Variants in HECW2 observed in about 807,000 individuals in gnomAD.
The protein encoded by HECW2 is E3 ubiquitin-protein ligase HECW2.
In HECW2, 61 loss-of-function variants were observed where a neutral mutation model predicts 175.2. That is an observed-to-expected ratio of 0.35 (90% CI 0.28 to 0.43). HECW2 has a LOEUF of 0.43. HECW2 is among the 20% of genes least tolerant of loss of function. HECW2 has a pLI of 1.00. For synonymous variants in HECW2, 671 were observed against 731.0 expected, an observed-to-expected ratio of 0.92 and a Z score of 1.32; for missense variants, 1,524 against 2,000.5, an observed-to-expected ratio of 0.76 and a Z score of 4.54.
chr2:196,529,718 T>C (rs1026664573), intron 1 of HECW2, among the ~76,000 whole-genome samples: 1 of 152,168 alleles, frequency 6.6e-6, no homozygotes, highest in South Asian at 2.1e-4. Context: ...AAGTCTACAC[T>C]AGGAGATAAC....
intron 26 of HECW2, chr2:196,218,181 C>T (rs531288915): frequency 8.5e-5 from 13 of 152,326 alleles, no homozygotes; most frequent in Admixed American, 8.5e-4. Flanking sequence ...GTTTTTTGAC[C>T]TTATGAATTA....
chr2:196,540,622 T>C (rs1170005775), intron 1 of HECW2, among the ~76,000 whole-genome samples: 1 of 152,124 alleles, frequency 6.6e-6, no homozygotes, highest in Non-Finnish European at 1.5e-5. Context: ...TTTTTAATGT[T>C]TTTGTAAAGA....
intron 1 of HECW2, among the ~76,000 whole-genome samples, chr2:196,553,604 T>C (rs1689678868): frequency 6.6e-6 from 1 of 152,244 alleles, no homozygotes; most frequent in Non-Finnish European, 1.5e-5. Flanking sequence ...CTCAGCAGGA[T>C]GAAGCAGTGA....
chr2:196,421,164 G>GA lies in HECW2; in HGVS notation c.292+11967dup, dbSNP rs1475611230. On this transcript the variant is annotated intron_variant, in intron 2 of 28. Transcript: ENST00000644978. ...TCCATTGAGGGTATAAAAATAGGGGGAAAAAACTAAGAAAAAGCATGATAT... is the reference window on the plus strand; with the variant it reads ...TCCATTGAGGGTATAAAAATAGGGGGAAAAAAACTAAGAAAAAGCATGATAT... Among the ~76,000 whole-genome samples the GA allele has an allele frequency of 4.6e-5, 7 of 151,910 alleles. No individual in the cohort carries two copies. The East Asian group carries it at 9.6e-4, about 21-fold the overall frequency.
At position 196,483,623 on chromosome 2, in the gene HECW2, A is replaced by G. The variant is rs562263525; in HGVS notation, c.-35-50165T>C. Among the ~76,000 whole-genome samples, 14 of 152,332 alleles carry G rather than the reference A, an allele frequency of 9.2e-5. No individual in the cohort carries two copies. In the South Asian group the frequency reaches 2.9e-3, roughly 32 times the overall value. ...CTCTAAAGTATAAGTCTTACCAAAA[A>G]TATCAAACCCTAATTTGCTCATGCC... On this transcript the variant is annotated intron_variant, in intron 1 of 28. Coordinates refer to ENST00000644978, the MANE Select transcript of HECW2 (RefSeq NM_001348768.2).
At chr2:196,494,577 A>G (rs2125392726) in intron 1 of HECW2, among the ~76,000 whole-genome samples, 1 of 152,298 alleles carries the variant, frequency 6.6e-6, no homozygotes, top group South Asian at 2.1e-4. Context: ...TGGTACTACC[A>G]TTTACAAAAA....
chr2:196,259,719 C>T (rs758008531), intron 17 of HECW2, among the ~76,000 whole-genome samples: 3 of 152,088 alleles, frequency 2.0e-5, no homozygotes, highest in Non-Finnish European at 4.4e-5. Flanking sequence ...ATCTGAAACA[C>T]GTGATGGAAA....
At chr2:196,537,853 T>C (rs1274857858) in intron 1 of HECW2, among the ~76,000 whole-genome samples, 1 of 152,234 alleles carries the variant, frequency 6.6e-6, no homozygotes, top group South Asian at 2.1e-4. Context: ...ATTAATCCTT[T>C]ATCACAAACC....
intron 28 of HECW2, among the ~76,000 whole-genome samples, chr2:196,205,718 G>T (rs1455815): frequency 0.49 from 74,586 of 151,870 alleles, 20,050 homozygotes; most frequent in East Asian, 0.73. Context: ...CCTTGTGATT[G>T]TAATTCAGAA....
At chr2:196,377,663 G>A (rs1280083632) in intron 2 of HECW2, among the ~76,000 whole-genome samples, 7 of 152,306 alleles carry the variant, frequency 4.6e-5, no homozygotes, top group Admixed American at 3.9e-4. Flanking sequence ...ATGAGATTTG[G>A]GTGGGAACAT....
chr2:196,424,671 C>T (rs544231403), intron 2 of HECW2, among the ~76,000 whole-genome samples: 8 of 152,166 alleles, frequency 5.3e-5, no homozygotes, highest in South Asian at 4.2e-4. Flanking sequence ...AAGACCCTAA[C>T]CCTATTCAAT....
rs1324222360 is a variant in HECW2, at chr2:196,198,394, A to G, written c.*2883T>C. On this transcript the variant is annotated 3_prime_UTR_variant, in exon 29 of 29. Transcript: ENST00000644978. ...CATTATTGAATCTCCCAGATGGAAA[A>G]AGCTGTTCTCTTCTCTCTTCATTCC... 6.6e-6 allele frequency: 1 copy of G among 152,200 alleles called. No individual in the cohort carries two copies. Among genetic ancestry groups the G allele is most frequent in the Admixed American group, 6.5e-5 (1 of 15,286 alleles). 9.4% of individuals were successfully genotyped at this position (152,200 alleles called of 1,614,324 possible). A position where few individuals can be genotyped will look rare whatever the true frequency, so the allele number is the denominator to read the frequency against.
At chr2:196,333,692 C>T (rs1692450128) in intron 4 of HECW2, among the ~76,000 whole-genome samples, 1 of 152,174 alleles carries the variant, frequency 6.6e-6, no homozygotes, top group Non-Finnish European at 1.5e-5. Context: ...TACAGTGTAG[C>T]TGTGTATTGT....
chr2:196,220,674 C>T (rs376338420), intron 25 of HECW2, 121 bp downstream of exon 25: 22 of 1,083,878 alleles, frequency 2.0e-5, no homozygotes, highest in Admixed American at 4.6e-5. Context: ...CTGAACTTTT[C>T]GCATGGAAAG....
At chr2:196,505,493 T>C (rs897919339) in intron 1 of HECW2, among the ~76,000 whole-genome samples, 4 of 151,848 alleles carry the variant, frequency 2.6e-5, no homozygotes, top group African/African-American at 9.7e-5. Flanking sequence ...TGAACCAAGA[T>C]TGTGCCACTG....
intron 13 of HECW2, among the ~76,000 whole-genome samples, chr2:196,306,123 C>A (rs13016267): frequency 0.89 from 135,864 of 152,092 alleles, 61,467 homozygotes; most frequent in East Asian, 0.98. Flanking sequence ...AAGCACCCTC[C>A]GCCCTTAGAC....
chr2:196,403,844 T>C (rs1432078702), intron 2 of HECW2, among the ~76,000 whole-genome samples: 2 of 152,212 alleles, frequency 1.3e-5, no homozygotes, highest in African/African-American at 2.4e-5. Flanking sequence ...GCTTAAGATA[T>C]GTAGCAGAAA....
chr2:196,420,981 G>C (rs913275268), intron 2 of HECW2, among the ~76,000 whole-genome samples: 1 of 152,128 alleles, frequency 6.6e-6, no homozygotes, highest in Non-Finnish European at 1.5e-5. Flanking sequence ...TGTACAGTTT[G>C]AGGCACTGAA....
chr2:196,405,110 T>C (rs1221455965), intron 2 of HECW2, among the ~76,000 whole-genome samples: 1 of 151,696 alleles, frequency 6.6e-6, no homozygotes, highest in Non-Finnish European at 1.5e-5. Context: ...GGATTACAGG[T>C]GTGAGCCATC....
Sources: gnomAD v4.1 joint callset for allele counts (sites outside exome capture counted in the v4.1 genomes callset) on GRCh38, gnomAD v4.1.1 for gene constraint, MANE v1.5 for transcripts, NCBI Gene and HGNC (gene_info 2026-07-23, HGNC 2026-07-21) for gene names.